HAPLN3: variants seen among roughly 807,000 people sequenced by gnomAD.
HAPLN3 encodes extracellular link domain containing, 1.
In HAPLN3, 28 loss-of-function variants were observed where a neutral mutation model predicts 28.1. The observed-to-expected ratio is 1.00, with a 90% CI of 0.74 to 1.37. HAPLN3 has a LOEUF of 1.37. Ranked by LOEUF, HAPLN3 falls within the 40% of genes most tolerant of loss-of-function variation. The probability of loss-of-function intolerance (pLI) is 0.00; values close to 1 mark genes in which losing one functional copy is unlikely to be tolerated. For missense variants in HAPLN3, 513 were observed against 504.6 expected, an observed-to-expected ratio of 1.02 and a Z score of -0.16; for synonymous variants, 211 against 213.1, an observed-to-expected ratio of 0.99 and a Z score of 0.09.
chr15:88,883,884 C>T (rs530492675), intron 2 of HAPLN3, among the ~76,000 whole-genome samples: 7 of 151,892 alleles, frequency 4.6e-5, no homozygotes, highest in African/African-American at 1.2e-4. Flanking sequence ...TCGAGACTAG[C>T]GTGGCCAACA....
At chr15:88,893,323 CAGG>C (rs1898064250) in intron 1 of HAPLN3, among the ~76,000 whole-genome samples, 1 of 151,600 alleles carries the variant, frequency 6.6e-6, no homozygotes, top group Non-Finnish European at 1.5e-5. Context: ...GTGGCTAAGG[CAGG>C]AGAATTGTTT....
Position 88,888,653 on chromosome 15 carries a change from A to C in HAPLN3, c.-47-1308T>G, listed in dbSNP as rs1372500519. 1.3e-5 allele frequency among the ~76,000 whole-genome samples: 2 copies of C among 152,120 alleles called. No homozygotes were observed. On this transcript the variant is annotated intron_variant, in intron 1 of 4. Coordinates refer to ENST00000359595, the MANE Select transcript of HAPLN3 (RefSeq NM_178232.4). This position sits in a 1 kb window ranked among gnomAD's most constrained non-coding sequence, Gnocchi z 4.1. The stretch of plus-strand genomic sequence containing the variant: ...TGCCATTTACTGCGTGCTCTCAACA[A>C]TTAAAAGATGGGGTCACTCCTTGAA...
intron 2 of HAPLN3, among the ~76,000 whole-genome samples, 175 bp downstream of exon 2, chr15:88,887,000 A>G (rs568022802): frequency 1.3e-5 from 2 of 152,318 alleles, no homozygotes; most frequent in East Asian, 3.9e-4. Flanking sequence ...TGGCGAACAC[A>G]GGAAAATGAA....
chr15:88,883,832 C>T (rs994500205), intron 2 of HAPLN3, among the ~76,000 whole-genome samples: 3 of 152,192 alleles, frequency 2.0e-5, no homozygotes, highest in Non-Finnish European at 4.4e-5. Context: ...AATCCTAGCA[C>T]TTTGGGAGGC....
Position 88,879,153 on chromosome 15 carries a change from C to T in HAPLN3, c.610G>A (p.Ala204Thr). 6.2e-7 allele frequency: 1 copy of T among 1,613,834 alleles called. No individual in the cohort carries two copies. Among genetic ancestry groups the T allele is most frequent in the Non-Finnish European group, 8.5e-7 (1 of 1,179,972 alleles). ...CACCAGTCCAGGCCCTCCTCCCAGG[C>T]CCGGAAGAGCTGCTCAAAGGAGGCC... is the stretch of plus-strand genomic sequence containing the variant. ...VVASFEQLFR[A>T]WEEGLDWCNA... The change falls in exon 4 of 5, where the codon GCC becomes ACC. Residue 204 changes from alanine to threonine, a missense_variant. Ala to Thr is a moderately conservative substitution (Grantham distance 58). Transcript: ENST00000359595. The surrounding 1 kb of genome is among the most constrained non-coding windows in gnomAD (Gnocchi z 5.0).
Position 88,881,684 on chromosome 15 carries a change from C to T in HAPLN3, c.166G>A (p.Glu56Lys), listed in dbSNP as rs1170625511. 1.9e-6 allele frequency: 3 copies of T among 1,613,500 alleles called. No individual in the cohort carries two copies. The highest frequency in any genetic ancestry group is 1.3e-5 in the African/African-American group (1 of 74,912). Reference sequence around the variant, plus strand: ...GCCCCTTGGTAGGTGAACAGGGTCTCCTCGGGTGTCTCCACCACCAGCTTC... The same window carrying T: ...GCCCCTTGGTAGGTGAACAGGGTCTTCTCGGGTGTCTCCACCACCAGCTTC... The part of the protein sequence containing the change: ...GVKLVVETPE[E>K]TLFTYQGASV... The change falls in exon 3 of 5, where the codon GAG becomes AAG. Residue 56 changes from glutamate to lysine, a missense_variant. Transcript: ENST00000359595. The surrounding 1 kb of genome is among the most constrained non-coding windows in gnomAD (Gnocchi z 6.0).
At chr15:88,882,505 A>G (rs775189649) in intron 2 of HAPLN3, among the ~76,000 whole-genome samples, 8 of 152,192 alleles carry the variant, frequency 5.3e-5, no homozygotes, top group Non-Finnish European at 8.8e-5. Context: ...CCAAATACGG[A>G]GCAGCCTACT....
chr15:88,883,625 T>C (rs1207556672), intron 2 of HAPLN3, among the ~76,000 whole-genome samples: 1 of 152,242 alleles, frequency 6.6e-6, no homozygotes, highest in Non-Finnish European at 1.5e-5. Context: ...TACATCCATA[T>C]GATAAAATAC....
Position 88,877,959 on chromosome 15 carries a change from G to C in HAPLN3, c.*11C>G, listed in dbSNP as rs758330587. 1.1e-5 allele frequency: 18 copies of C among 1,575,682 alleles called. No homozygotes were observed. Among genetic ancestry groups the C allele is most frequent in the Non-Finnish European group, 1.4e-5 (16 of 1,160,072 alleles). Reference sequence around the variant, plus strand: ...CCAGTGAGGGAATGCGGCAGGGGAGGGCCCCAGGTCCTAGTGCTGGCGGTA... The same window carrying C: ...CCAGTGAGGGAATGCGGCAGGGGAGCGCCCCAGGTCCTAGTGCTGGCGGTA... On this transcript the variant is annotated 3_prime_UTR_variant, in exon 5 of 5. Coordinates refer to ENST00000359595, the MANE Select transcript of HAPLN3 (RefSeq NM_178232.4). This position sits in a 1 kb window ranked among gnomAD's most constrained non-coding sequence, Gnocchi z 5.1.
chr15:88,884,303 G>A (rs972791026), intron 2 of HAPLN3, among the ~76,000 whole-genome samples: 3 of 152,252 alleles, frequency 2.0e-5, no homozygotes, highest in African/African-American at 4.8e-5. Flanking sequence ...GGTGGCTCAC[G>A]CCTGTAATCC....
At position 88,881,509 on chromosome 15, in the gene HAPLN3, T is replaced by C. The variant is rs763352490; in HGVS notation, c.341A>G (p.Asp114Gly). 6.2e-7 allele frequency: 1 copy of C among 1,614,086 alleles called. No homozygotes were observed. Among genetic ancestry groups the C allele is most frequent in the Non-Finnish European group, 8.5e-7 (1 of 1,180,050 alleles). Residue 114 changes from aspartate to glycine, a missense_variant, in exon 3 of 5, where the codon GAC becomes GGC. Coordinates refer to ENST00000359595, the MANE Select transcript of HAPLN3 (RefSeq NM_178232.4). The surrounding 1 kb of genome is among the most constrained non-coding windows in gnomAD (Gnocchi z 6.0). ...AIGLRHRSFGDYQGRVHLRQD... is the reference protein window; with the variant it reads ...AIGLRHRSFGGYQGRVHLRQD... Reference sequence around the variant, plus strand: ...CCGCAGGTGCACGCGGCCTTGGTAGTCCCCAAAGGAGCGGTGCCTCAGCCC... The same window carrying C: ...CCGCAGGTGCACGCGGCCTTGGTAGCCCCCAAAGGAGCGGTGCCTCAGCCC...
intron 1 of HAPLN3, chr15:88,893,237 T>C: frequency 1.6e-6 from 1 of 615,266 alleles, no homozygotes; most frequent in South Asian, 1.9e-5. Context: ...GCCAACACAG[T>C]GAAACCCCCA....
chr15:88,881,549 C>G lies in HAPLN3; in HGVS notation c.301G>C (p.Val101Leu). Residue 101 changes from valine (V) to leucine (L), a missense_variant, in exon 3 of 5, where the codon GTG becomes CTG. Val to Leu is a conservative substitution (Grantham distance 32, BLOSUM62 1). Coordinates refer to ENST00000359595, the MANE Select transcript of HAPLN3 (RefSeq NM_178232.4). This position sits in a 1 kb window ranked among gnomAD's most constrained non-coding sequence, Gnocchi z 6.0. ...LSENGAPEKD[V>L]LVAIGLRHRS... ...TGCCTCAGCCCGATGGCCACCAGCA[C>G]GTCCTTCTCTGGGGCCCCGTTCTCC... 5.0e-6 allele frequency: 8 copies of G among 1,614,110 alleles called. No individual in the cohort carries two copies. Among genetic ancestry groups the G allele is most frequent in the Non-Finnish European group, 6.8e-6 (8 of 1,180,046 alleles).
At chr15:88,893,033 C>T (rs561747221) in intron 1 of HAPLN3, 1 of 1,467,696 alleles carries the variant, frequency 6.8e-7, no homozygotes, top group South Asian at 1.2e-5. Context: ...CAGACCTGGG[C>T]TCGGTATTGG....
chr15:88,887,539 T>C (rs1426944294), intron 1 of HAPLN3, among the ~76,000 whole-genome samples, 194 bp from the exon 2 acceptor site: 1 of 152,152 alleles, frequency 6.6e-6, no homozygotes, highest in African/African-American at 2.4e-5. Context: ...TTCAGGGAGC[T>C]GTACCCCGAA....
rs1897698858 is a variant in HAPLN3, at chr15:88,881,506, TA to T, written c.343del (p.Tyr115ThrfsTer163). On this transcript the variant is annotated frameshift_variant, in exon 3 of 5. Transcript: ENST00000359595. LOFTEE classifies it high-confidence loss of function. This position sits in a 1 kb window ranked among gnomAD's most constrained non-coding sequence, Gnocchi z 6.0. ...CTGCCGCAGGTGCACGCGGCCTTGG[TA>T]GTCCCCAAAGGAGCGGTGCCTCAGC... ...IGLRHRSFGDYQGRVHLRQDK... is the reference protein window; with the variant it reads ...IGLRHRSFGDXQGRVHLRQDK... 6.2e-7 allele frequency: 1 copy of T among 1,614,086 alleles called. No individual in the cohort carries two copies. The highest frequency in any genetic ancestry group is 8.5e-7 in the Non-Finnish European group (1 of 1,180,050).
At position 88,880,526 on chromosome 15, in the gene HAPLN3, C is replaced by T; in HGVS notation, c.493+831G>A. ...ACCCACATGTCATAGCTGGGACGGG[C>T]TGGGGCTAAAGTCAGGTCACCTTCC... On this transcript the variant is annotated intron_variant, in intron 3 of 4. Transcript: ENST00000359595. This position sits in a 1 kb window ranked among gnomAD's most constrained non-coding sequence, Gnocchi z 6.0. 5 of 1,283,956 alleles carry T rather than the reference C, an allele frequency of 3.9e-6. No individual in the cohort carries two copies. Among genetic ancestry groups the T allele is most frequent in the Non-Finnish European group, 5.1e-6 (5 of 984,194 alleles). 79.5% of individuals were successfully genotyped at this position (1,283,956 alleles called of 1,614,324 possible).
intron 2 of HAPLN3, among the ~76,000 whole-genome samples, chr15:88,883,410 G>C (rs1392154743): frequency 6.6e-6 from 1 of 152,232 alleles, no homozygotes; most frequent in Non-Finnish European, 1.5e-5. Context: ...TCAAGACTCA[G>C]CTTCCCCATT....
chr15:88,880,597 C>A lies in HAPLN3; in HGVS notation c.493+760G>T, dbSNP rs75675606. 7.8e-7 allele frequency: 1 copy of A among 1,288,578 alleles called. No individual in the cohort carries two copies. Among genetic ancestry groups the A allele is most frequent in the East Asian group, 5.6e-5 (1 of 18,014 alleles). The allele number at this position is 1,288,578 out of a possible 1,614,324, so 79.8% of individuals were successfully genotyped here. On this transcript the variant is annotated intron_variant, in intron 3 of 4. Transcript: ENST00000359595. The surrounding 1 kb of genome is among the most constrained non-coding windows in gnomAD (Gnocchi z 6.0). ...CTAACATGTGGGAGAGATGTGAGGA[C>A]ACACAGCCCCATCCTAGAGACAGAG... is the stretch of plus-strand genomic sequence containing the variant.
Sources: gnomAD v4.1 joint callset for allele counts (sites outside exome capture counted in the v4.1 genomes callset) on GRCh38, gnomAD v4.1.1 for gene constraint, Gnocchi (gnomAD v3.1) non-coding constraint, MANE v1.5 for transcripts, NCBI Gene and HGNC (gene_info 2026-07-23, HGNC 2026-07-21) for gene names.